The following LYPLAL1 variants were observed in gnomAD, a reference collection of about 807,000 sequenced individuals.
LYPLAL1 encodes the protein lysophospholipase-like protein 1.
In LYPLAL1, 23 loss-of-function variants were observed where a neutral mutation model predicts 19.7. The ratio of observed to expected loss-of-function variants is 1.17; its 90% CI spans 0.84 to 1.65. The LOEUF is 1.65. Among genes scored for constraint, LYPLAL1 ranks in the 40% most tolerant of loss-of-function variants. The pLI, the probability that LYPLAL1 is intolerant of heterozygous loss-of-function variation, is 0.00. For synonymous variants in LYPLAL1, 119 were observed against 96.3 expected, an observed-to-expected ratio of 1.24 and a Z score of -1.38; for missense variants, 355 against 279.4, an observed-to-expected ratio of 1.27 and a Z score of -1.93.
At chr1:219,195,036 A>G (rs1262264252) in intron 3 of LYPLAL1, among the ~76,000 whole-genome samples, 2 of 152,052 alleles carry the variant, frequency 1.3e-5, no homozygotes, top group Middle Eastern at 3.2e-3. Context: ...AATGAGTTCA[A>G]ATCTACAGTC....
chr1:219,393,506 C>A, the LYPLAL1 span, among the ~76,000 whole-genome samples: 1 of 152,110 alleles, frequency 6.6e-6, no homozygotes, highest in Non-Finnish European at 1.5e-5. Context: ...ATACCTGTGT[C>A]CAGTATTCCA....
chr1:219,412,267 T>G, the LYPLAL1 span, among the ~76,000 whole-genome samples: 2 of 152,098 alleles, frequency 1.3e-5, no homozygotes, highest in Non-Finnish European at 2.9e-5. Flanking sequence ...ATCTCAATGA[T>G]CCTCCTGCCT....
the LYPLAL1 span, among the ~76,000 whole-genome samples, chr1:219,283,647 G>A: frequency 6.6e-6 from 1 of 152,120 alleles, no homozygotes; most frequent in African/African-American, 2.4e-5. Context: ...ACTGACAATT[G>A]CCTGTACAGC....
At chr1:219,293,197 A>T in the LYPLAL1 span, among the ~76,000 whole-genome samples, 3 of 152,154 alleles carry the variant, frequency 2.0e-5, no homozygotes, top group Non-Finnish European at 4.4e-5. Flanking sequence ...TGAGCCAGAA[A>T]TGAGAACAGC....
the LYPLAL1 span, among the ~76,000 whole-genome samples, chr1:219,330,782 C>T: frequency 2.0e-5 from 3 of 152,190 alleles, no homozygotes; most frequent in African/African-American, 7.2e-5. Flanking sequence ...AGCTGTATGT[C>T]CTCATTCTTT....
At chr1:219,239,638 GTATTA>G in the LYPLAL1 span, among the ~76,000 whole-genome samples, 1 of 152,112 alleles carries the variant, frequency 6.6e-6, no homozygotes, top group African/African-American at 2.4e-5. Flanking sequence ...TGAGATTTAG[GTATTA>G]TATTCCAATT....
intron 1 of LYPLAL1, among the ~76,000 whole-genome samples, chr1:219,178,465 TA>T (rs1216418680): frequency 6.6e-6 from 1 of 152,206 alleles, no homozygotes; most frequent in East Asian, 1.9e-4. Flanking sequence ...GTTAATTGAT[TA>T]AAAAATTAAA....
the LYPLAL1 span, among the ~76,000 whole-genome samples, chr1:219,257,746 G>A: frequency 3.0e-3 from 457 of 152,122 alleles, 5 homozygotes; most frequent in African/African-American, 0.01. Flanking sequence ...TGCACATATT[G>A]TCTTGATAAA....
chr1:219,301,309 A>G, the LYPLAL1 span, among the ~76,000 whole-genome samples: 1 of 152,218 alleles, frequency 6.6e-6, no homozygotes, highest in African/African-American at 2.4e-5. Context: ...CAGGTACAAA[A>G]AGACGTAATT....
At chr1:219,174,010 C>G in intron 1 of LYPLAL1, 29 bp downstream of exon 1, 7 of 1,613,750 alleles carry the variant, frequency 4.3e-6, no homozygotes, top group Non-Finnish European at 5.9e-6. Flanking sequence ...TCCTGGTTTT[C>G]TACAGCTCGG....
chr1:219,378,718 A>T, the LYPLAL1 span, among the ~76,000 whole-genome samples: 1 of 152,156 alleles, frequency 6.6e-6, no homozygotes, highest in African/African-American at 2.4e-5. Flanking sequence ...TGAGACATGG[A>T]GTGCTTTAGC....
chr1:219,426,972 T>C, the LYPLAL1 span, among the ~76,000 whole-genome samples: 1 of 152,222 alleles, frequency 6.6e-6, no homozygotes, highest in Non-Finnish European at 1.5e-5. Context: ...GCAATATGGC[T>C]AGGAAGGAAC....
At chr1:219,224,297 G>T in the LYPLAL1 span, among the ~76,000 whole-genome samples, 1 of 152,104 alleles carries the variant, frequency 6.6e-6, no homozygotes, top group African/African-American at 2.4e-5. Flanking sequence ...AAATCTCTAG[G>T]TAAGTCTAAC....
At chr1:219,345,665 G>A in the LYPLAL1 span, among the ~76,000 whole-genome samples, 4 of 152,098 alleles carry the variant, frequency 2.6e-5, no homozygotes, top group Non-Finnish European at 5.9e-5. Context: ...TGGGTGAGGT[G>A]GAGAGCAATC....
At chr1:219,376,173 G>A in the LYPLAL1 span, among the ~76,000 whole-genome samples, 1 of 152,264 alleles carries the variant, frequency 6.6e-6, no homozygotes, top group African/African-American at 2.4e-5. Context: ...AAAGCAGAGA[G>A]TCCAGAAATA....
the LYPLAL1 span, among the ~76,000 whole-genome samples, chr1:219,408,530 AAGG>A: frequency 6.6e-6 from 1 of 152,130 alleles, no homozygotes; most frequent in Non-Finnish European, 1.5e-5. Context: ...AGTCAAGGAA[AAGG>A]TAATTAATAA....
the LYPLAL1 span, among the ~76,000 whole-genome samples, chr1:219,242,728 T>C: frequency 6.6e-6 from 1 of 150,566 alleles, no homozygotes; most frequent in Admixed American, 6.6e-5. Context: ...AATTAATATA[T>C]ATAAATATAG....
the LYPLAL1 span, among the ~76,000 whole-genome samples, chr1:219,335,192 A>T: frequency 6.6e-6 from 1 of 151,960 alleles, no homozygotes; most frequent in Non-Finnish European, 1.5e-5. Context: ...CTCTATTTTC[A>T]ATTACCACCT....
chr1:219,236,360 AG>A, the LYPLAL1 span, among the ~76,000 whole-genome samples: 1 of 152,232 alleles, frequency 6.6e-6, no homozygotes, highest in Non-Finnish European at 1.5e-5. Context: ...TTACAGCCTT[AG>A]CTATTATCTC....
Sources: allele counts gnomAD v4.1 joint callset (sites outside exome capture counted in the v4.1 genomes callset), GRCh38; gene constraint gnomAD v4.1.1; transcripts MANE v1.5; gene names NCBI Gene and HGNC (gene_info 2026-07-23, HGNC 2026-07-21).